The following ATG7 variants were observed in gnomAD, a reference collection of about 807,000 sequenced individuals.
ATG7 encodes the protein ubiquitin-like modifier-activating enzyme ATG7.
In ATG7, 70 loss-of-function variants were observed where a neutral mutation model predicts 82.4. That is an observed-to-expected ratio of 0.85 (90% CI 0.70 to 1.04). The LOEUF is 1.04. Among genes scored for constraint, ATG7 ranks in the 50% least tolerant of loss-of-function variants. The probability of loss-of-function intolerance (pLI) is 0.00; values close to 1 mark genes in which losing one functional copy is unlikely to be tolerated. For synonymous variants in ATG7, 287 were observed against 313.0 expected (o/e 0.92, Z 0.88); for missense variants, 792 against 864.3 (o/e 0.92, Z 1.05).
At chr3:11,402,518 G>T (rs2079935010) in intron 19 of ATG7, among the ~76,000 whole-genome samples, 1 of 152,224 alleles carries the variant, frequency 6.6e-6, no homozygotes, top group South Asian at 2.1e-4. Flanking sequence ...AGCTGGCTAA[G>T]AATGACTGCA....
intron 20 of ATG7, among the ~76,000 whole-genome samples, chr3:11,554,313 A>G (rs1197432532): frequency 6.6e-6 from 1 of 152,126 alleles, no homozygotes; most frequent in Admixed American, 6.5e-5. Context: ...CTCTAGTGTG[A>G]GTTGGGAGTG....
At chr3:11,341,151 T>C (rs1340878367) in intron 12 of ATG7, among the ~76,000 whole-genome samples, 1 of 145,016 alleles carries the variant, frequency 6.9e-6, no homozygotes. Context: ...AACCTCTGCC[T>C]CCTGGGTTCA....
intron 19 of ATG7, among the ~76,000 whole-genome samples, chr3:11,397,736 C>T (rs868794911): frequency 0.19 from 51 of 266 alleles, 2 homozygotes; most frequent in Middle Eastern, 0.75. Flanking sequence ...GGATTACAGG[C>T]GTGCACCCAC....
intron 20 of ATG7, 27 bp from the exon 21 acceptor site, chr3:11,554,784 G>A: frequency 6.2e-7 from 1 of 1,612,476 alleles, no homozygotes; most frequent in Non-Finnish European, 8.5e-7. Flanking sequence ...GGACATCTCG[G>A]CTGAGCCTCT....
chr3:11,483,012 G>T lies in ATG7; in HGVS notation c.2079+56086G>T, dbSNP rs142602947. Reference sequence around the variant, plus strand: ...GACCTCTATCACCCTAGTTACTTGGGATTCTCAACGTTTTTCCACCTATAC... The same window carrying T: ...GACCTCTATCACCCTAGTTACTTGGTATTCTCAACGTTTTTCCACCTATAC... On this transcript the variant is annotated intron_variant, in intron 20 of 20. Coordinates refer to ENST00000693202, the MANE Select transcript of ATG7 (RefSeq NM_001349232.2). Among the ~76,000 whole-genome samples, 1,168 of 151,962 alleles carry T rather than the reference G, an allele frequency of 7.7e-3. 13 individuals are homozygous for T. The highest frequency in any genetic ancestry group is 0.018 in the South Asian group (85 of 4,792).
At chr3:11,367,129 G>A (rs1280460490) in intron 18 of ATG7, among the ~76,000 whole-genome samples, 3 of 151,998 alleles carry the variant, frequency 2.0e-5, no homozygotes, top group Non-Finnish European at 4.4e-5. Context: ...CCATGTATAG[G>A]CTTTAAACAA....
intron 20 of ATG7, among the ~76,000 whole-genome samples, chr3:11,461,587 C>G (rs1263847591): frequency 6.6e-6 from 1 of 152,180 alleles, no homozygotes; most frequent in African/African-American, 2.4e-5. Flanking sequence ...CTCTCTCACT[C>G]TCTCTCTTAA....
chr3:11,507,205 C>T (rs1273910184), intron 20 of ATG7, among the ~76,000 whole-genome samples: 1 of 152,118 alleles, frequency 6.6e-6, no homozygotes, highest in Non-Finnish European at 1.5e-5. Context: ...TCGCTTGAAC[C>T]CAGGAGGCGG....
chr3:11,324,620 T>C (rs1333463471), intron 9 of ATG7, among the ~76,000 whole-genome samples: 2 of 152,202 alleles, frequency 1.3e-5, no homozygotes, highest in Non-Finnish European at 2.9e-5. Flanking sequence ...AAGAAACTTA[T>C]TCCTAGTCTT....
At chr3:11,446,466 C>T (rs1317911001) in intron 20 of ATG7, 4 of 421,890 alleles carry the variant, frequency 9.5e-6, no homozygotes, top group African/African-American at 2.1e-5. Context: ...GGAAACTTGG[C>T]GTCATCATTC....
chr3:11,404,722 C>T (rs1419320523), intron 19 of ATG7, among the ~76,000 whole-genome samples: 3 of 151,966 alleles, frequency 2.0e-5, no homozygotes, highest in Non-Finnish European at 4.4e-5. Context: ...GAGGAGGCCT[C>T]ACAATCATGG....
chr3:11,548,257 T>TC (rs2071453235), intron 20 of ATG7, among the ~76,000 whole-genome samples: 1 of 152,224 alleles, frequency 6.6e-6, no homozygotes, highest in Admixed American at 6.5e-5. Context: ...CAGGCTGGTC[T>TC]CAAACTCCTG....
intron 18 of ATG7, among the ~76,000 whole-genome samples, chr3:11,366,415 A>G (rs753208045): frequency 7.3e-5 from 11 of 151,706 alleles, no homozygotes; most frequent in Non-Finnish European, 1.3e-4. Flanking sequence ...TTTGACATGC[A>G]TGTGTTAATC....
At chr3:11,376,330 T>C (rs1195565782) in intron 18 of ATG7, among the ~76,000 whole-genome samples, 1 of 152,252 alleles carries the variant, frequency 6.6e-6, no homozygotes, top group Non-Finnish European at 1.5e-5. Flanking sequence ...TTATGGTATG[T>C]GAATTATATC....
intron 20 of ATG7, among the ~76,000 whole-genome samples, chr3:11,531,799 G>C (rs1328494024): frequency 6.7e-6 from 1 of 150,100 alleles, no homozygotes; most frequent in Non-Finnish European, 1.5e-5. Context: ...AGGAGGTTGA[G>C]GCTGCAGTGA....
the ATG7 span, among the ~76,000 whole-genome samples, chr3:11,563,554 TG>T: frequency 2.0e-5 from 3 of 152,236 alleles, no homozygotes; most frequent in Non-Finnish European, 2.9e-5. Flanking sequence ...CGTCTCTGGC[TG>T]CCCACAGCTC....
At position 11,353,124 on chromosome 3, in the gene ATG7, T is replaced by C. The variant is rs1167513655; in HGVS notation, c.1284+5089T>C. On this transcript the variant is annotated intron_variant, in intron 14 of 20. Coordinates refer to ENST00000693202, the MANE Select transcript of ATG7 (RefSeq NM_001349232.2). ...ACATTTGACTTGGAAAAGAAAAAAATAATGGGTGATAGCCCCTTTAAAAAT... is the reference window on the plus strand; with the variant it reads ...ACATTTGACTTGGAAAAGAAAAAAACAATGGGTGATAGCCCCTTTAAAAAT... 2.6e-5 allele frequency among the ~76,000 whole-genome samples: 4 copies of C among 152,032 alleles called. No homozygotes were observed. The East Asian group carries it at 7.7e-4, about 29-fold the overall frequency.
rs751639381 is a variant in ATG7, at chr3:11,380,067, A to G, written c.1956+15A>G. On this transcript the variant is annotated intron_variant, in intron 19 of 20. Coordinates refer to ENST00000693202, the MANE Select transcript of ATG7 (RefSeq NM_001349232.2). ...GTTCTTCCAAAGTAAGTCATTTTGT[A>G]TTGGAGGGACTTGTTTTTAAAAGTG... The G allele has an allele frequency of 1.5e-5, 24 of 1,610,632 alleles. No homozygotes were observed. The Admixed American group carries it at 3.3e-4, about 22-fold the overall frequency.
At chr3:11,507,878 A>G (rs903823373) in intron 20 of ATG7, among the ~76,000 whole-genome samples, 3 of 152,072 alleles carry the variant, frequency 2.0e-5, no homozygotes, top group African/African-American at 7.2e-5. Context: ...ATTGGCCAAC[A>G]TTAGTCACAT....
Sources: allele counts gnomAD v4.1 joint callset (sites outside exome capture counted in the v4.1 genomes callset), GRCh38; gene constraint gnomAD v4.1.1; transcripts MANE v1.5; gene names NCBI Gene and HGNC (gene_info 2026-07-23, HGNC 2026-07-21).